Variants in RAF1 observed in about 807,000 individuals in gnomAD.
RAF1 encodes Raf-1 proto-oncogene, serine/threonine kinase.
In RAF1, 27 loss-of-function variants were observed where a neutral mutation model predicts 81.1. The ratio of observed to expected loss-of-function variants is 0.33; its 90% confidence interval spans 0.25 to 0.46. The LOEUF (loss-of-function observed/expected upper bound fraction) is 0.46. Ranked by LOEUF, RAF1 falls within the 20% of genes least tolerant of loss-of-function variation. RAF1 has a pLI of 1.00. For missense variants in RAF1, 598 were observed against 826.0 expected, an observed-to-expected ratio of 0.72 and a Z score of 3.38; for synonymous variants, 298 against 294.0, an observed-to-expected ratio of 1.01 and a Z score of -0.14.
At position 12,584,352 on chromosome 3, in the gene RAF1, A is replaced by G. The variant is rs886057913; in HGVS notation, c.*162T>C. On this transcript the variant is annotated 3_prime_UTR_variant, in exon 18 of 18. Coordinates refer to ENST00000442415, the MANE Select transcript of RAF1 (RefSeq NM_001354689.3). ...TCTCCCAGGGCCCAAAGGGATAGAA[A>G]AGAAGGCAACATGAAGTTAAGGCCC... 1 of 867,304 alleles carries G rather than the reference A, an allele frequency of 1.2e-6. No homozygotes were observed. Among genetic ancestry groups the G allele is most frequent in the East Asian group, 2.7e-5 (1 of 37,534 alleles). 53.7% of individuals were successfully genotyped at this position (867,304 alleles called of 1,614,324 possible).
chr3:12,595,003 G>A (rs2058641747), intron 11 of RAF1, among the ~76,000 whole-genome samples: 1 of 152,212 alleles, frequency 6.6e-6, no homozygotes, highest in Non-Finnish European at 1.5e-5. Context: ...GATTCATTCA[G>A]TCTGCTAGGA....
intron 17 of RAF1, 21 bp from the exon 17 acceptor site, chr3:12,584,678 G>A (rs2058263675): frequency 3.7e-6 from 6 of 1,613,930 alleles, no homozygotes; most frequent in Admixed American, 1.7e-5. Flanking sequence ...GCCCAAGAAT[G>A]CTCTCATTAG....
chr3:12,659,798 T>C (rs1484991242), intron 1 of RAF1, among the ~76,000 whole-genome samples: 1 of 152,198 alleles, frequency 6.6e-6, no homozygotes, highest in Non-Finnish European at 1.5e-5. Flanking sequence ...AATTGTCTTC[T>C]GCAAGTCAAC....
rs755926381 is a variant in RAF1, at chr3:12,600,406, G to T, written c.904C>A (p.Arg302=). The T allele has an allele frequency of 1.2e-6, 2 of 1,614,118 alleles. No homozygotes were observed. Among genetic ancestry groups the T allele is most frequent in the South Asian group, 1.1e-5 (1 of 91,068 alleles). Residue 302 remains arginine, a synonymous_variant, in exon 9 of 18, where the codon CGA becomes AGA. Coordinates refer to ENST00000442415, the MANE Select transcript of RAF1 (RefSeq NM_001354689.3). Reference sequence around the variant, plus strand: ...AAAGTACCTGATTCGCTGTGACTTCGAATTGCATCCTGAAACAGAAAAGGA... The same window carrying T: ...AAAGTACCTGATTCGCTGTGACTTCTAATTGCATCCTGAAACAGAAAAGGA...
chr3:12,585,602 C>CT lies in RAF1; in HGVS notation c.1596+78dup, dbSNP rs35135272. 5,498 of 1,417,226 alleles carry CT rather than the reference C, an allele frequency of 3.9e-3. 166 individuals carry two copies. The African/African-American group carries it at 0.067, about 17-fold the overall frequency. The allele number at this position is 1,417,226 out of a possible 1,614,324, so 87.8% of individuals were successfully genotyped here. A position where few individuals can be genotyped will look rare whatever the true frequency, so the allele number is the denominator to read the frequency against. On this transcript the variant is annotated intron_variant, in intron 15 of 17. Transcript: ENST00000442415. ...GATTTCGGGGAAATGTACAGAAACG[C>CT]TTTAAGTTTGCACATAAATCTCCAA...
chr3:12,630,851 G>A (rs2059838463), intron 1 of RAF1, among the ~76,000 whole-genome samples: 1 of 152,134 alleles, frequency 6.6e-6, no homozygotes, highest in African/African-American at 2.4e-5. Context: ...GTCACCCAGA[G>A]GGAGTGCAGT....
chr3:12,635,987 T>C (rs2060016769), intron 1 of RAF1, among the ~76,000 whole-genome samples: 1 of 136,092 alleles, frequency 7.3e-6, no homozygotes, highest in African/African-American at 2.8e-5. Context: ...AAAAAAACAT[T>C]AATAATGTTG....
chr3:12,600,305 CACACAAGGATAAGCCAACAGAAGAT>C, intron 9 of RAF1, 26 bp from the exon 9 acceptor site: 1 of 1,614,114 alleles, frequency 6.2e-7, no homozygotes, highest in Non-Finnish European at 8.5e-7. Context: ...AAACAGAAGC[CACACAAGGATAAGCCAACAGAAGAT>C]ACACCGCATA....
chr3:12,619,117 C>T (rs1348296282), intron 1 of RAF1, among the ~76,000 whole-genome samples: 9 of 151,892 alleles, frequency 5.9e-5, no homozygotes, highest in African/African-American at 1.2e-4. Flanking sequence ...TGGTGGCGGG[C>T]GCCTGTAGTC....
chr3:12,660,051 C>A (rs145575930), intron 1 of RAF1, among the ~76,000 whole-genome samples: 3 of 152,224 alleles, frequency 2.0e-5, no homozygotes, highest in African/African-American at 4.8e-5. Context: ...TAATCCAGTG[C>A]TTCTGGAAAA....
intron 1 of RAF1, among the ~76,000 whole-genome samples, chr3:12,651,818 T>C (rs971888933): frequency 6.6e-6 from 1 of 151,366 alleles, no homozygotes; most frequent in African/African-American, 2.4e-5. Flanking sequence ...GAGACCAGCC[T>C]GGCCAACATG....
At chr3:12,600,962 ACT>A (rs2058844871) in intron 8 of RAF1, among the ~76,000 whole-genome samples, 1 of 152,184 alleles carries the variant, frequency 6.6e-6, no homozygotes, top group Admixed American at 6.5e-5. Context: ...TAGCAAAGTT[ACT>A]CTCAGCTGAG....
At chr3:12,599,932 A>G in intron 10 of RAF1, 124 bp from the exon 10 acceptor site, 1 of 1,191,054 alleles carries the variant, frequency 8.4e-7, no homozygotes, top group South Asian at 1.2e-5. Context: ...CATATTAACC[A>G]TACTTCCAAT....
intron 1 of RAF1, among the ~76,000 whole-genome samples, chr3:12,622,779 C>G (rs868105425): frequency 6.6e-6 from 1 of 152,180 alleles, no homozygotes; most frequent in African/African-American, 2.4e-5. Flanking sequence ...CAGAATAATG[C>G]TACAAAAACA....
intron 1 of RAF1, among the ~76,000 whole-genome samples, chr3:12,638,310 C>A (rs1013948895): frequency 1.3e-5 from 2 of 152,120 alleles, no homozygotes; most frequent in African/African-American, 4.8e-5. Context: ...TCAGTGCAGT[C>A]GTTTATGAAC....
At position 12,584,144 on chromosome 3, in the gene RAF1, C is replaced by T. The variant is rs1366370101; in HGVS notation, c.*370G>A. ...ATTTCCAAAATCCCATGTGTCTCCA[C>T]ATCAGGGCTGGACTGCCTGCTACCT... On this transcript the variant is annotated 3_prime_UTR_variant, in exon 18 of 18. Coordinates refer to ENST00000442415, the MANE Select transcript of RAF1 (RefSeq NM_001354689.3). The T allele has an allele frequency of 3.9e-5, 14 of 358,026 alleles. No individual in the cohort carries two copies. The highest frequency in any genetic ancestry group is 6.8e-5 in the Non-Finnish European group (13 of 189,978). The allele number at this position is 358,026 out of a possible 1,614,324, so 22.2% of individuals were successfully genotyped here. A position where few individuals can be genotyped will look rare whatever the true frequency, so the allele number is the denominator to read the frequency against.
intron 1 of RAF1, among the ~76,000 whole-genome samples, chr3:12,645,129 G>GCAGGA (rs1340816429): frequency 1.3e-5 from 2 of 150,882 alleles, no homozygotes; most frequent in Non-Finnish European, 2.9e-5. Context: ...AAATAAGGTG[G>GCAGGA]CAGGACAAAA....
rs189420809 is a variant in RAF1, at chr3:12,615,818, G to A, written c.207+2697C>T. Among the ~76,000 whole-genome samples the A allele has an allele frequency of 2.3e-4, 35 of 152,244 alleles. No individual in the cohort carries two copies. In the East Asian group the frequency reaches 4.6e-3, roughly 20 times the overall value. ...TGTAATCCCAGCACTTTGGGAAGAC[G>A]AGGCAGGCGGATCAGAAGGTCAGGA... On this transcript the variant is annotated intron_variant, in intron 2 of 17. Transcript: ENST00000442415.
At chr3:12,653,922 AG>A (rs2060607698) in intron 1 of RAF1, among the ~76,000 whole-genome samples, 1 of 152,142 alleles carries the variant, frequency 6.6e-6, no homozygotes, top group African/African-American at 2.4e-5. Context: ...TGACTTATAC[AG>A]TAGATGCAGG....
Sources: gnomAD v4.1 joint callset for allele counts (sites outside exome capture counted in the v4.1 genomes callset) on GRCh38, gnomAD v4.1.1 for gene constraint, MANE v1.5 for transcripts, NCBI Gene and HGNC (gene_info 2026-07-23, HGNC 2026-07-21) for gene names.